LUC7L: variants seen among roughly 807,000 people sequenced by gnomAD.
The protein encoded by LUC7L is LUC7 like.
Under a neutral mutation model 51.1 loss-of-function variants are expected in LUC7L, and 29 were observed. That is an observed-to-expected ratio of 0.57 (90% CI 0.42 to 0.77). The LOEUF (loss-of-function observed/expected upper bound fraction) is 0.77, where lower values mean the gene tolerates loss of function less well. Among genes scored for constraint, LUC7L ranks in the 30% least tolerant of loss-of-function variants. The probability of loss-of-function intolerance (pLI) is 0.00; values close to 1 mark genes in which losing one functional copy is unlikely to be tolerated. For synonymous variants in LUC7L, 181 were observed against 180.7 expected (o/e 1.00, Z -0.01); for missense variants, 403 against 511.9 (o/e 0.79, Z 2.05).
In LUC7L at chr16:190,076, T is replaced by C; in HGVS notation, c.866A>G (p.Lys289Arg). 6.2e-7 allele frequency: 1 copy of C among 1,613,392 alleles called. No homozygotes were observed. The highest frequency in any genetic ancestry group is 8.5e-7 in the Non-Finnish European group (1 of 1,179,986). Residue 289 changes from lysine to arginine, a missense_variant, in exon 9 of 10, where the codon AAA becomes AGA. Physicochemically the swap from Lys to Arg is conservative, Grantham distance 26. Transcript: ENST00000293872. The part of the protein sequence containing the change: ...RSRSTSRERR[K>R]LSRSRSRDRH... ...ATCTCGGGACCGGGACCGGGACAAT[T>C]TCCGTCGCTCTCGGGAGGTAGATCT...
intron 3 of LUC7L, among the ~76,000 whole-genome samples, chr16:212,958 G>C (rs2049686354): frequency 6.6e-6 from 1 of 152,018 alleles, no homozygotes; most frequent in Non-Finnish European, 1.5e-5. Flanking sequence ...TTCTGATTTT[G>C]TAGAGACTTT....
chr16:223,657 T>C (rs1282267288), intron 2 of LUC7L, among the ~76,000 whole-genome samples: 3 of 151,750 alleles, frequency 2.0e-5, no homozygotes, highest in Non-Finnish European at 4.4e-5. Context: ...AACTTTTACC[T>C]CATTCACTCT....
At position 190,028 on chromosome 16, in the gene LUC7L, C is replaced by G. The variant is rs148192154; in HGVS notation, c.914G>C (p.Arg305Pro). Reference sequence around the variant, plus strand: ...ATGTCCCCGGCTGTGGCTCCGGGAACGGCTGCGGTGGCGCCGATGTCTATC... The same window carrying G: ...ATGTCCCCGGCTGTGGCTCCGGGAAGGGCTGCGGTGGCGCCGATGTCTATC... Reference protein sequence around the residue: ...SRDRHRRHRSRSRSHSRGHRR... With the variant: ...SRDRHRRHRSPSRSHSRGHRR... The change falls in exon 9 of 10, where the codon CGT (arginine) becomes CCT (proline). Residue 305 changes from arginine (R) to proline (P), a missense_variant. By Grantham distance (103) the Arg-to-Pro change is moderately radical. Coordinates refer to ENST00000293872, the MANE Select transcript of LUC7L (RefSeq NM_201412.3). 3 of 1,613,904 alleles carry G rather than the reference C, an allele frequency of 1.9e-6. No individual in the cohort carries two copies. The African/African-American group carries it at 4.0e-5, about 22-fold the overall frequency.
At chr16:227,567 T>C (rs2050162206) in intron 1 of LUC7L, 3 of 1,347,968 alleles carry the variant, frequency 2.2e-6, no homozygotes, top group Non-Finnish European at 2.9e-6. Context: ...ACTCCATCAC[T>C]GTACCAAAGA....
Position 221,258 on chromosome 16 carries a change from T to C in LUC7L, c.157-511A>G, listed in dbSNP as rs1011248803. Among the ~76,000 whole-genome samples, 4 of 143,926 alleles carry C rather than the reference T, an allele frequency of 2.8e-5. No homozygotes were observed. In the Admixed American group the frequency reaches 3.0e-4, roughly 11 times the overall value. 94.4% of individuals were successfully genotyped at this position (143,926 alleles called of 152,430 possible). ...CAGGGTTTCGCCACGTTGGCCAGGC[T>C]GGTCTTGAACCTCTGACCTCAAGTG... is the stretch of plus-strand genomic sequence containing the variant. On this transcript the variant is annotated intron_variant, in intron 2 of 9. Coordinates refer to ENST00000293872, the MANE Select transcript of LUC7L (RefSeq NM_201412.3).
intron 5 of LUC7L, among the ~76,000 whole-genome samples, chr16:203,268 T>A (rs1422391857): frequency 6.6e-6 from 1 of 152,222 alleles, no homozygotes; most frequent in Non-Finnish European, 1.5e-5. Context: ...CAGGTCCAGA[T>A]GGGTTTACTG....
At chr16:204,827 C>T (rs986785002) in intron 5 of LUC7L, among the ~76,000 whole-genome samples, 3 of 152,098 alleles carry the variant, frequency 2.0e-5, no homozygotes, top group African/African-American at 4.8e-5. Context: ...TTTTCAGCAT[C>T]ACTAGTGGCA....
intron 3 of LUC7L, among the ~76,000 whole-genome samples, chr16:214,194 A>G (rs1254365037): frequency 1.3e-5 from 2 of 151,932 alleles, no homozygotes; most frequent in Admixed American, 6.6e-5. Flanking sequence ...CAGCTTCCTG[A>G]GTAGCTGGGA....
chr16:213,410 G>C (rs1177322939), intron 3 of LUC7L, among the ~76,000 whole-genome samples: 1 of 151,642 alleles, frequency 6.6e-6, no homozygotes, highest in Non-Finnish European at 1.5e-5. Context: ...TTTTTGGAAG[G>C]GGACAGGGAG....
At chr16:218,026 CAA>C (rs11420593) in intron 3 of LUC7L, among the ~76,000 whole-genome samples, 12 of 130,294 alleles carry the variant, frequency 9.2e-5, no homozygotes, top group African/African-American at 1.1e-4. Flanking sequence ...ACTATATCTC[CAA>C]AAAAAAAAAA....
chr16:190,073 A>C lies in LUC7L; in HGVS notation c.869T>G (p.Leu290Trp). The C allele has an allele frequency of 6.2e-7, 1 of 1,613,428 alleles. No homozygotes were observed. Among genetic ancestry groups the C allele is most frequent in the African/African-American group, 1.3e-5 (1 of 74,956 alleles). The change falls in exon 9 of 10, where the codon TTG becomes TGG. Residue 290 changes from leucine to tryptophan, a missense_variant. Leu to Trp is a moderately conservative substitution (Grantham distance 61). Coordinates refer to ENST00000293872, the MANE Select transcript of LUC7L (RefSeq NM_201412.3). ...TCTATCTCGGGACCGGGACCGGGAC[A>C]ATTTCCGTCGCTCTCGGGAGGTAGA... ...SRSTSRERRK[L>W]SRSRSRDRHR...
At chr16:208,664 C>T in intron 3 of LUC7L, 1 of 984,400 alleles carries the variant, frequency 1.0e-6, no homozygotes, top group Non-Finnish European at 1.2e-6. Context: ...CCCCCTTTCA[C>T]CTCAAAAACA....
intron 6 of LUC7L, among the ~76,000 whole-genome samples, chr16:197,887 G>A (rs1156310456): frequency 6.6e-6 from 1 of 152,154 alleles, no homozygotes; most frequent in Non-Finnish European, 1.5e-5. Context: ...CTAGTATGCG[G>A]TAAGGGGGGC....
intron 5 of LUC7L, among the ~76,000 whole-genome samples, chr16:204,384 C>T (rs932287873): frequency 5.3e-5 from 8 of 151,798 alleles, no homozygotes; most frequent in South Asian, 2.1e-4. Flanking sequence ...ACCACGAGGT[C>T]AGATTGAGAC....
intron 5 of LUC7L, among the ~76,000 whole-genome samples, chr16:200,143 C>T (rs1294791208): frequency 1.3e-5 from 2 of 152,090 alleles, no homozygotes; most frequent in South Asian, 2.1e-4. Context: ...CAAAAATTGG[C>T]CGGGCGCGGT....
intron 2 of LUC7L, among the ~76,000 whole-genome samples, chr16:226,018 C>A (rs1383746371): frequency 1.3e-5 from 2 of 152,090 alleles, no homozygotes; most frequent in African/African-American, 2.4e-5. Context: ...TACAGTGAAA[C>A]TTCCTTTGAC....
At chr16:216,297 C>T (rs1029459713) in intron 3 of LUC7L, among the ~76,000 whole-genome samples, 6 of 151,702 alleles carry the variant, frequency 4.0e-5, no homozygotes, top group East Asian at 1.9e-4. Flanking sequence ...CCACAGGGCC[C>T]GGCCCTTGTT....
At position 220,664 on chromosome 16, in the gene LUC7L, C is replaced by T. The variant is rs1447346913; in HGVS notation, c.240G>A (p.Leu80=). 1 of 1,612,210 alleles carries T rather than the reference C, an allele frequency of 6.2e-7. No individual in the cohort carries two copies. Among genetic ancestry groups the T allele is most frequent in the East Asian group, 2.2e-5 (1 of 44,856 alleles). ...TAAAACTTACATCTAATTCAAAAAA[C>T]AGGTCTCTTTCTTTACTTGCAATCT... ...DYEIASKERD[L]FFELDAMDHL... The change falls in exon 3 of 10, where the codon CTG becomes CTA. Residue 80 remains leucine (L), a synonymous_variant. Coordinates refer to ENST00000293872, the MANE Select transcript of LUC7L (RefSeq NM_201412.3).
intron 6 of LUC7L, among the ~76,000 whole-genome samples, chr16:198,852 A>C (rs1174418131): frequency 6.6e-6 from 1 of 151,840 alleles, no homozygotes; most frequent in Non-Finnish European, 1.5e-5. Context: ...ACACCTGGCT[A>C]ATTTTTCGGT....
Sources: allele counts gnomAD v4.1 joint callset (sites outside exome capture counted in the v4.1 genomes callset), GRCh38; gene constraint gnomAD v4.1.1; transcripts MANE v1.5; gene names NCBI Gene and HGNC (gene_info 2026-07-23, HGNC 2026-07-21).